WDR48: variants seen among roughly 807,000 people sequenced by gnomAD.
WDR48 encodes WD repeat-containing protein 48.
In WDR48, 22 loss-of-function variants were observed where a neutral mutation model predicts 94.0. The observed-to-expected ratio is 0.23, with a 90% CI of 0.17 to 0.33. WDR48 has a LOEUF of 0.33. WDR48 is among the 10% of genes least tolerant of loss of function. The probability of loss-of-function intolerance (pLI) is 1.00; values close to 1 mark genes in which losing one functional copy is unlikely to be tolerated. For missense variants in WDR48, 541 were observed against 813.8 expected, an observed-to-expected ratio of 0.66 and a Z score of 4.08; for synonymous variants, 278 against 280.5, an observed-to-expected ratio of 0.99 and a Z score of 0.09.
intron 1 of WDR48, among the ~76,000 whole-genome samples, chr3:39,060,220 C>T (rs1478456396): frequency 6.6e-6 from 1 of 151,922 alleles, no homozygotes; most frequent in Non-Finnish European, 1.5e-5. Flanking sequence ...GCAATTACTC[C>T]CCGTTTTTCA....
chr3:39,075,963 T>G (rs138324632), intron 8 of WDR48, among the ~76,000 whole-genome samples: 2,266 of 152,274 alleles, frequency 0.015, 21 homozygotes, highest in Non-Finnish European at 0.019. Flanking sequence ...CCCAAAGTGC[T>G]GGTATTACAG....
chr3:39,054,047 A>C (rs764105396), intron 1 of WDR48, among the ~76,000 whole-genome samples: 14 of 152,250 alleles, frequency 9.2e-5, no homozygotes, highest in Non-Finnish European at 1.3e-4. Context: ...GAGAAGATTC[A>C]GGGAACTTTC....
At chr3:39,054,371 A>G (rs1485018040) in intron 1 of WDR48, among the ~76,000 whole-genome samples, 4 of 152,200 alleles carry the variant, frequency 2.6e-5, no homozygotes, top group East Asian at 1.9e-4. Context: ...CCTGGCTTCT[A>G]CCAACTAGAT....
intron 1 of WDR48, among the ~76,000 whole-genome samples, chr3:39,061,739 C>G (rs1287857872): frequency 2.6e-5 from 4 of 152,198 alleles, no homozygotes; most frequent in African/African-American, 9.7e-5. Flanking sequence ...ATTCCTATTT[C>G]TCCACATCCT....
chr3:39,068,033 A>G (rs1026797236), intron 5 of WDR48, among the ~76,000 whole-genome samples: 6 of 151,922 alleles, frequency 3.9e-5, no homozygotes, highest in African/African-American at 1.4e-4. Flanking sequence ...GCCCAGGCTT[A>G]GTGGATACAG....
At position 39,065,693 on chromosome 3, in the gene WDR48, G is replaced by A. The variant is rs2033560762; in HGVS notation, c.190-118G>A. 6 of 589,348 alleles carry A rather than the reference G, an allele frequency of 1.0e-5. No individual in the cohort carries two copies. In the South Asian group the frequency reaches 2.1e-4, roughly 21 times the overall value. 36.5% of individuals were successfully genotyped at this position (589,348 alleles called of 1,614,324 possible). On this transcript the variant is annotated intron_variant, in intron 2 of 18. Coordinates refer to ENST00000302313, the MANE Select transcript of WDR48 (RefSeq NM_020839.4). ...GTGAGATTCTACTCAGAATTCAGGT[G>A]TTAGTTTTAATGCCTAGAGCAGTAT...
chr3:39,073,543 C>T (rs762007736), intron 7 of WDR48, among the ~76,000 whole-genome samples: 9 of 152,200 alleles, frequency 5.9e-5, no homozygotes, highest in Non-Finnish European at 1.0e-4. Context: ...TACTCCAGCA[C>T]CAGCAATTGC....
chr3:39,078,898 C>CG (rs2034378394), intron 10 of WDR48, among the ~76,000 whole-genome samples: 1 of 151,248 alleles, frequency 6.6e-6, no homozygotes, highest in South Asian at 2.1e-4. Context: ...GGCGTAGTGG[C>CG]GGGCACCTGT....
intron 2 of WDR48, 136 bp from the exon 3 acceptor site, chr3:39,065,675 T>A: frequency 1.9e-6 from 1 of 513,004 alleles, no homozygotes; most frequent in Non-Finnish European, 3.3e-6. Flanking sequence ...TTGGTGAGAT[T>A]CTACTCAGAA....
rs751954071 is a variant in WDR48, at chr3:39,085,591, G to A, written c.1455G>A (p.Glu485=). The change falls in exon 14 of 19, where the codon GAG becomes GAA. Residue 485 remains glutamate, a synonymous_variant. Coordinates refer to ENST00000302313, the MANE Select transcript of WDR48 (RefSeq NM_020839.4). ...CACATGTGAATCCAATGGATGAAGA[G>A]GAAAATGAAGTAAACCATGGTTAGT... ...PRTHVNPMDE[E]ENEVNHVNGE... 1.9e-6 allele frequency: 3 copies of A among 1,610,652 alleles called. No individual in the cohort carries two copies. In the African/African-American group the frequency reaches 4.0e-5, roughly 22 times the overall value.
chr3:39,065,907 TTATTATTG>T lies in WDR48; in HGVS notation c.268+19_268+26del. 1.3e-6 allele frequency: 2 copies of T among 1,553,504 alleles called. No individual in the cohort carries two copies. The highest frequency in any genetic ancestry group is 1.7e-6 in the Non-Finnish European group (2 of 1,153,390). Reference sequence around the variant, plus strand: ...GAAAACATGTAAGTATTTCTTTGGATTATTATTGGGCTTCTGATATATTTTTTGTTTTT... The same window carrying T: ...GAAAACATGTAAGTATTTCTTTGGATGGCTTCTGATATATTTTTTGTTTTT... On this transcript the variant is annotated intron_variant, in intron 3 of 18. Coordinates refer to ENST00000302313, the MANE Select transcript of WDR48 (RefSeq NM_020839.4).
chr3:39,072,730 A>T (rs1406484051), intron 7 of WDR48, among the ~76,000 whole-genome samples: 1 of 152,202 alleles, frequency 6.6e-6, no homozygotes, highest in South Asian at 2.1e-4. Flanking sequence ...GGAAGGATGG[A>T]GGCAGTGGAA....
chr3:39,079,924 T>C (rs536741288), intron 11 of WDR48, 116 bp downstream of exon 11: 117 of 528,550 alleles, frequency 2.2e-4, no homozygotes, highest in Non-Finnish European at 3.3e-4. Flanking sequence ...TAATACTTTA[T>C]GGGGTGGTAT....
rs2033378168 is a variant in WDR48 at position 39,063,149 on chromosome 3, C to G, written c.148C>G (p.Arg50Gly). Reference protein sequence around the residue: ...PALNRLFTAGRDSIIRIWSVN... With the variant: ...PALNRLFTAGGDSIIRIWSVN... ...ACTAAATAGACTTTTCACAGCCGGT[C>G]GAGACTCTATCATAAGAATATGGAG... The change falls in exon 2 of 19, where the codon CGA (arginine) becomes GGA (glycine). Residue 50 changes from arginine to glycine, a missense_variant. This residue lies in a region of WDR48 where 90 missense variants were observed against 122.3 expected (regional missense o/e 0.74). Transcript: ENST00000302313. 2 of 1,613,922 alleles carry G rather than the reference C, an allele frequency of 1.2e-6. No individual in the cohort carries two copies. Among genetic ancestry groups the G allele is most frequent in the Non-Finnish European group, 8.5e-7 (1 of 1,179,990 alleles).
chr3:39,073,685 G>A (rs1356666311), intron 7 of WDR48, among the ~76,000 whole-genome samples: 1 of 152,166 alleles, frequency 6.6e-6, no homozygotes, highest in Non-Finnish European at 1.5e-5. Context: ...CACTCACAGT[G>A]TGCTCAGCCC....
chr3:39,088,767 G>C (rs147086032), intron 15 of WDR48, among the ~76,000 whole-genome samples: 71 of 152,264 alleles, frequency 4.7e-4, no homozygotes, highest in Non-Finnish European at 8.4e-4. Context: ...GTAGAGCCGG[G>C]GGAGAGCTTA....
At chr3:39,069,530 T>C (rs1481415392) in intron 6 of WDR48, 113 bp from the exon 7 acceptor site, 7 of 878,722 alleles carry the variant, frequency 8.0e-6, no homozygotes. Flanking sequence ...TTGGCAGAAG[T>C]GGTATTGCCT....
chr3:39,053,451 T>C (rs1239308918), intron 1 of WDR48, among the ~76,000 whole-genome samples: 1 of 152,226 alleles, frequency 6.6e-6, no homozygotes. Flanking sequence ...AATTAATAAG[T>C]CTAAACTCAC....
intron 10 of WDR48, among the ~76,000 whole-genome samples, chr3:39,078,749 T>C (rs973212969): frequency 3.8e-5 from 1 of 26,392 alleles, no homozygotes; most frequent in Non-Finnish European, 6.8e-5. Context: ...ATGCTGTTAA[T>C]GGGCCGGGCG....
Sources: gnomAD v4.1 joint callset for allele counts (sites outside exome capture counted in the v4.1 genomes callset) on GRCh38, gnomAD v4.1.1 for gene constraint, gnomAD v4.1.1 regional missense constraint, MANE v1.5 for transcripts, NCBI Gene and HGNC (gene_info 2026-07-23, HGNC 2026-07-21) for gene names.